The following RTEL1 variants were observed in gnomAD, a reference collection of about 807,000 sequenced individuals.
RTEL1 encodes the protein regulator of telomere elongation helicase 1.
Under a neutral mutation model 162.2 loss-of-function variants are expected in RTEL1, and 86 were observed. The ratio of observed to expected loss-of-function variants is 0.53; its 90% CI spans 0.45 to 0.63. RTEL1 has a LOEUF of 0.63. Among genes scored for constraint, RTEL1 ranks in the 30% least tolerant of loss-of-function variants. RTEL1 has a pLI of 0.00. For missense variants in RTEL1, 1,941 were observed against 1,750.2 expected (o/e 1.11, Z -1.95); for synonymous variants, 958 against 717.9 (o/e 1.33, Z -5.35).
chr20:63,682,384 CG>C (rs1305944454), intron 14 of RTEL1: 1 of 985,164 alleles, frequency 1.0e-6, no homozygotes, highest in Non-Finnish European at 1.2e-6. Flanking sequence ...ACTCTGGAAC[CG>C]GATCCTGGAA....
At chr20:63,693,570 TCCACCTCCAC>T (rs2090862772) in intron 30 of RTEL1, among the ~76,000 whole-genome samples, 1 of 5,734 alleles carries the variant, frequency 1.7e-4, no homozygotes, top group African/African-American at 8.5e-4. Context: ...CTCCACCACC[TCCACCTCCAC>T]CACCACCACC....
chr20:63,664,201 G>A (rs2090077271), intron 6 of RTEL1, among the ~76,000 whole-genome samples: 1 of 152,174 alleles, frequency 6.6e-6, no homozygotes, highest in African/African-American at 2.4e-5. Context: ...ACGTGACTCT[G>A]GGACGGGGGG....
At chr20:63,682,636 C>A (rs975357536) in intron 14 of RTEL1, 5 of 985,762 alleles carry the variant, frequency 5.1e-6, no homozygotes, top group Non-Finnish European at 6.0e-6. Flanking sequence ...TGCTCACCCG[C>A]GTTGGCTCCT....
intron 12 of RTEL1, among the ~76,000 whole-genome samples, chr20:63,679,615 C>T (rs1413240596): frequency 6.6e-6 from 1 of 152,196 alleles, no homozygotes; most frequent in East Asian, 1.9e-4. Flanking sequence ...GCTGGCGTCC[C>T]CTGGAGGGCT....
Position 63,688,028 on chromosome 20 carries a change from T to C in RTEL1, c.1573T>C (p.Leu525=). 3 of 1,612,680 alleles carry C rather than the reference T, an allele frequency of 1.9e-6. No homozygotes were observed. Among genetic ancestry groups the C allele is most frequent in the Non-Finnish European group, 2.5e-6 (3 of 1,179,912 alleles). Residue 525 remains leucine, a synonymous_variant, in exon 18 of 35, where the codon TTG becomes CTG. Transcript: ENST00000360203. The part of the protein sequence containing the change: ...VVPRGPDGAQ[L]SSAFDRRFSE... ...CCCCAGAGGCCCCGATGGAGCCCAG[T>C]TGAGCTCCGCGTTTGACAGACGGTG...
Position 63,676,349 on chromosome 20 carries a change from C to T in RTEL1, c.920-1796C>T, listed in dbSNP as rs188245346. Among the ~76,000 whole-genome samples, 212 of 152,244 alleles carry T rather than the reference C, an allele frequency of 1.4e-3. 1 individual carries two copies. The East Asian group carries it at 0.02, about 14-fold the overall frequency. ...AGGAGGGGCAGCCACACGAGTTCCC[C>T]GGTTTACTCTGAACTTAGGTGGCTT... On this transcript the variant is annotated intron_variant, in intron 10 of 34. Transcript: ENST00000360203.
In RTEL1 at chr20:63,684,578, C is replaced by T. The variant is rs569187341; in HGVS notation, c.1192-945C>T. On this transcript the variant is annotated intron_variant, in intron 14 of 34. Transcript: ENST00000360203. The stretch of plus-strand genomic sequence containing the variant: ...CCGTGTTAGCCAGGATGGTCTCGAT[C>T]TCCTGACCTCGTGATCCGCCTCCCA... Among the ~76,000 whole-genome samples the T allele has an allele frequency of 9.2e-5, 14 of 152,220 alleles. No homozygotes were observed. In the Middle Eastern group the frequency reaches 0.017, roughly 185 times the overall value.
chr20:63,669,289 TGTATAA>T (rs1330738407), intron 8 of RTEL1, among the ~76,000 whole-genome samples: 1 of 152,262 alleles, frequency 6.6e-6, no homozygotes, highest in Non-Finnish European at 1.5e-5. Flanking sequence ...TGTTTTACCC[TGTATAA>T]ACCTAAATGT....
At chr20:63,680,026 CTCCCCTGGCCG>C in intron 13 of RTEL1, 80 bp downstream of exon 13, 10 of 971,134 alleles carry the variant, frequency 1.0e-5, no homozygotes, top group Non-Finnish European at 1.4e-5. Flanking sequence ...GCAGTCAGGG[CTCCCCTGGCCG>C]TCACCTGGCC....
In RTEL1 at chr20:63,661,869, A is replaced by G; in HGVS notation, c.321A>G (p.Pro107=). 1 of 1,613,970 alleles carries G rather than the reference A, an allele frequency of 6.2e-7. No individual in the cohort carries two copies. The highest frequency in any genetic ancestry group is 8.5e-7 in the Non-Finnish European group (1 of 1,179,982). The change falls in exon 4 of 35, where the codon CCA becomes CCG. Residue 107 remains proline, a synonymous_variant. Coordinates refer to ENST00000360203, the MANE Select transcript of RTEL1 (RefSeq NM_001283009.2). This position sits in a 1 kb window ranked among gnomAD's most constrained non-coding sequence, Gnocchi z 5.1. ...GDPIACYTDI[P]KIIYASRTHS... The stretch of plus-strand genomic sequence containing the variant: ...GGTCAGCTTGCTACACGGACATCCC[A>G]AAGATTATTTACGCCTCCAGGACCC...
At chr20:63,694,182 T>C (rs2090904425) in intron 30 of RTEL1, 190 bp from the exon 31 acceptor site, 1 of 608,186 alleles carries the variant, frequency 1.6e-6, no homozygotes, top group Non-Finnish European at 3.0e-6. Context: ...CCCGCCACTG[T>C]TCCAGCCCCC....
At chr20:63,667,745 G>C (rs2090164747) in intron 8 of RTEL1, among the ~76,000 whole-genome samples, 192 bp downstream of exon 8, 1 of 152,136 alleles carries the variant, frequency 6.6e-6, no homozygotes, top group African/African-American at 2.4e-5. Flanking sequence ...CCACAGGTCA[G>C]TTTTCTGAGC....
At chr20:63,687,905 C>A (rs2145420717) in intron 17 of RTEL1, 32 bp from the exon 18 acceptor site, 1 of 1,607,348 alleles carries the variant, frequency 6.2e-7, no homozygotes, top group African/African-American at 1.3e-5. Context: ...TGGTGCACTT[C>A]CCCACTGTCT....
chr20:63,692,276 C>T (rs143375356), intron 28 of RTEL1: 74 of 226,196 alleles, frequency 3.3e-4, no homozygotes, highest in African/African-American at 1.5e-3. Context: ...CTGGGTGGTG[C>T]CCAGGCAGGG....
intron 14 of RTEL1, among the ~76,000 whole-genome samples, chr20:63,683,336 G>GT (rs2146229018): frequency 6.6e-6 from 1 of 152,326 alleles, no homozygotes; most frequent in African/African-American, 2.4e-5. Flanking sequence ...CCACCAGCGT[G>GT]GGGGTGAACT....
chr20:63,684,445 C>T lies in RTEL1; in HGVS notation c.1192-1078C>T, dbSNP rs1424034306. 5.3e-5 allele frequency among the ~76,000 whole-genome samples: 8 copies of T among 152,238 alleles called. No individual in the cohort carries two copies. In the South Asian group the frequency reaches 1.7e-3, roughly 32 times the overall value. On this transcript the variant is annotated intron_variant, in intron 14 of 34. Transcript: ENST00000360203. ...CTCGGCTCACTGCAAGCTCCGCCTC[C>T]CGGGTTCACGCCATTCTCCTGCCTC...
chr20:63,687,458 C>T (rs755264151), intron 16 of RTEL1, 180 bp from the exon 17 acceptor site: 36 of 701,838 alleles, frequency 5.1e-5, no homozygotes, highest in Admixed American at 2.7e-4. Context: ...CCCAAGCTGG[C>T]AGGCTCACAC....
intron 8 of RTEL1, among the ~76,000 whole-genome samples, chr20:63,670,442 A>G (rs3859579): frequency 0.52 from 15,455 of 30,002 alleles, 6,555 homozygotes; most frequent in African/African-American, 0.93. Flanking sequence ...CAGACGTTTC[A>G]CCAAGGTGGA....
At chr20:63,676,903 C>T (rs1271616925) in intron 10 of RTEL1, among the ~76,000 whole-genome samples, 1 of 112,680 alleles carries the variant, frequency 8.9e-6, no homozygotes, top group Non-Finnish European at 1.9e-5. Flanking sequence ...CCATTGCACT[C>T]CAGCCTGGCG....
Sources: gnomAD v4.1 joint callset for allele counts (sites outside exome capture counted in the v4.1 genomes callset) on GRCh38, gnomAD v4.1.1 for gene constraint, Gnocchi (gnomAD v3.1) non-coding constraint, MANE v1.5 for transcripts, NCBI Gene and HGNC (gene_info 2026-07-23, HGNC 2026-07-21) for gene names.